Variants in ACVR2B observed in about 807,000 individuals in gnomAD.
ACVR2B encodes the protein activin A receptor type 2B, also known as activin receptor type-2B.
In ACVR2B, 18 loss-of-function variants were observed where a neutral mutation model predicts 65.1. That is an observed-to-expected ratio of 0.28 (90% CI 0.19 to 0.41). The LOEUF is 0.41. Ranked by LOEUF, ACVR2B falls within the 10% of genes least tolerant of loss-of-function variation. The pLI is 1.00. For missense variants in ACVR2B, 482 were observed against 682.7 expected (o/e 0.71, Z 3.28); for synonymous variants, 298 against 277.7 (o/e 1.07, Z -0.73).
At chr3:38,479,041 G>A in intron 5 of ACVR2B, 87 bp from the exon 6 acceptor site, 2 of 1,568,752 alleles carry the variant, frequency 1.3e-6, no homozygotes. Context: ...TGGGGAATGG[G>A]GAATGGTTGT....
chr3:38,485,458 G>A lies in ACVR2B; in HGVS notation c.*2126G>A, dbSNP rs1477412407. ...TGGTCTTGGAGTCCACAGTGTGAGG[G>A]GCACTGCACATGCCTGGGCATCTAC... On this transcript the variant is annotated 3_prime_UTR_variant, in exon 11 of 11. Coordinates refer to ENST00000352511, the MANE Select transcript of ACVR2B (RefSeq NM_001106.4). 6.6e-6 allele frequency: 1 copy of A among 152,216 alleles called. No homozygotes were observed. The highest frequency in any genetic ancestry group is 1.5e-5 in the Non-Finnish European group (1 of 68,090). The allele number at this position is 152,216 out of a possible 1,614,324, so 9.4% of individuals were successfully genotyped here. A position where few individuals can be genotyped will look rare whatever the true frequency, so the allele number is the denominator to read the frequency against.
intron 1 of ACVR2B, among the ~76,000 whole-genome samples, chr3:38,471,682 G>A (rs1289462193): frequency 2.6e-5 from 4 of 152,214 alleles, no homozygotes; most frequent in Non-Finnish European, 5.9e-5. Context: ...TAAAGAACAT[G>A]CACTCTAGAG....
Position 38,481,288 on chromosome 3 carries a change from G to C in ACVR2B, c.960-63G>C. On this transcript the variant is annotated intron_variant, in intron 7 of 10. Coordinates refer to ENST00000352511, the MANE Select transcript of ACVR2B (RefSeq NM_001106.4). This position sits in a 1 kb window ranked among gnomAD's most constrained non-coding sequence, Gnocchi z 4.7. ...TCTAGGGCACAGACTCTAGTATCTT[G>C]GGAACCAAGGTGGGAGTTGGATCAT... 2.8e-6 allele frequency: 4 copies of C among 1,406,572 alleles called. No homozygotes were observed. Among genetic ancestry groups the C allele is most frequent in the Non-Finnish European group, 4.0e-6 (4 of 992,444 alleles). The allele number at this position is 1,406,572 out of a possible 1,614,324, so 87.1% of individuals were successfully genotyped here.
At chr3:38,482,386 G>A in intron 9 of ACVR2B, 44 bp from the exon 10 acceptor site, 1 of 1,610,790 alleles carries the variant, frequency 6.2e-7, no homozygotes, top group South Asian at 1.1e-5. Context: ...ATAGGGAGCA[G>A]TGGGACCTTA....
At chr3:38,480,252 T>C (rs186427679) in intron 7 of ACVR2B, among the ~76,000 whole-genome samples, 2 of 152,286 alleles carry the variant, frequency 1.3e-5, no homozygotes, top group South Asian at 4.1e-4. Context: ...AACTCTATGC[T>C]CCTAAGAGAA....
At chr3:38,463,111 C>T (rs540027547) in intron 1 of ACVR2B, among the ~76,000 whole-genome samples, 1 of 152,180 alleles carries the variant, frequency 6.6e-6, no homozygotes, top group African/African-American at 2.4e-5. Flanking sequence ...GCCTGTGTCT[C>T]CTACCTTGTG....
At chr3:38,479,896 A>C in intron 7 of ACVR2B, 70 bp downstream of exon 7, 2 of 1,564,574 alleles carry the variant, frequency 1.3e-6, no homozygotes, top group Non-Finnish European at 1.7e-6. Flanking sequence ...GGGCGAGAGC[A>C]GTGTCTGGAG....
rs1367432014 is a variant in ACVR2B at position 38,454,222 on chromosome 3, C to T, written c.-101C>T. 2 of 862,534 alleles carry T rather than the reference C, an allele frequency of 2.3e-6. No individual in the cohort carries two copies. Among genetic ancestry groups the T allele is most frequent in the South Asian group, 8.4e-5 (2 of 23,884 alleles). The allele number at this position is 862,534 out of a possible 1,614,324, so 53.4% of individuals were successfully genotyped here. ...CAGGGAACGAGACCGAAGGAAGGAG[C>T]GGGAAGGAGAGCGCAGCCGCCGCCT... On this transcript the variant is annotated 5_prime_UTR_variant, in exon 1 of 11. Coordinates refer to ENST00000352511, the MANE Select transcript of ACVR2B (RefSeq NM_001106.4).
chr3:38,473,079 G>A (rs1387978536), intron 1 of ACVR2B, among the ~76,000 whole-genome samples: 1 of 152,180 alleles, frequency 6.6e-6, no homozygotes, highest in African/African-American at 2.4e-5. Flanking sequence ...GTATGTGGGA[G>A]TGGTCCTGCC....
intron 1 of ACVR2B, among the ~76,000 whole-genome samples, chr3:38,465,799 A>G (rs1240341242): frequency 2.6e-5 from 4 of 152,250 alleles, no homozygotes; most frequent in Non-Finnish European, 5.9e-5. Context: ...ATCAAGCCAC[A>G]GATTCAAGAA....
intron 10 of ACVR2B, 127 bp downstream of exon 10, chr3:38,482,687 G>A: frequency 2.2e-6 from 3 of 1,379,438 alleles, no homozygotes; most frequent in Non-Finnish European, 2.0e-6. Flanking sequence ...CTGGACTCTA[G>A]GGATGTGTTC....
chr3:38,477,011 A>G lies in ACVR2B; in HGVS notation c.53-276A>G. 1 of 553,310 alleles carries G rather than the reference A, an allele frequency of 1.8e-6. No individual in the cohort carries two copies. The highest frequency in any genetic ancestry group is 3.2e-6 in the Non-Finnish European group (1 of 307,692). The allele number at this position is 553,310 out of a possible 1,614,324, so 34.3% of individuals were successfully genotyped here. ...GGCTGTTTATCCATCCTTCTGTGGC[A>G]TTAGGTTTCCTGCCTCCTCCCTTTT... On this transcript the variant is annotated intron_variant, in intron 1 of 10. Coordinates refer to ENST00000352511, the MANE Select transcript of ACVR2B (RefSeq NM_001106.4). The surrounding 1 kb of genome is among the most constrained non-coding windows in gnomAD (Gnocchi z 6.7).
chr3:38,454,467 G>A, intron 1 of ACVR2B, 93 bp downstream of exon 1: 1 of 1,106,490 alleles, frequency 9.0e-7, no homozygotes, highest in Non-Finnish European at 1.1e-6. Flanking sequence ...GCGGGCCCGG[G>A]GCCTCGTCGC....
Position 38,477,183 on chromosome 3 carries a change from CGG to C in ACVR2B, c.53-103_53-102del. On this transcript the variant is annotated intron_variant, in intron 1 of 10. Coordinates refer to ENST00000352511, the MANE Select transcript of ACVR2B (RefSeq NM_001106.4). The surrounding 1 kb of genome is among the most constrained non-coding windows in gnomAD (Gnocchi z 6.7). ...AGGTTGGTGACCCCAACCCACCACCCGGCCTCCCTCCCTCAGGGTGGCCTGGC... is the reference window on the plus strand; with the variant it reads ...AGGTTGGTGACCCCAACCCACCACCCCCTCCCTCCCTCAGGGTGGCCTGGC... 7.2e-7 allele frequency: 1 copy of C among 1,383,494 alleles called. No individual in the cohort carries two copies. Among genetic ancestry groups the C allele is most frequent in the Non-Finnish European group, 1.0e-6 (1 of 996,244 alleles). 85.7% of individuals were successfully genotyped at this position (1,383,494 alleles called of 1,614,324 possible).
intron 9 of ACVR2B, 42 bp downstream of exon 9, chr3:38,482,378 A>G (rs1229981493): frequency 2.5e-6 from 4 of 1,609,634 alleles, no homozygotes; most frequent in East Asian, 2.2e-5. Context: ...ATTGAGTGAT[A>G]GGGAGCAGTG....
At chr3:38,467,096 A>G (rs1709743156) in intron 1 of ACVR2B, among the ~76,000 whole-genome samples, 1 of 152,214 alleles carries the variant, frequency 6.6e-6, no homozygotes, top group Non-Finnish European at 1.5e-5. Context: ...AAATTTTGAT[A>G]AGGCATGCTA....
At chr3:38,466,237 AGGGTG>A (rs1709725103) in intron 1 of ACVR2B, among the ~76,000 whole-genome samples, 1 of 152,156 alleles carries the variant, frequency 6.6e-6, no homozygotes, top group African/African-American at 2.4e-5. Context: ...AGATGGGGAG[AGGGTG>A]GTCAAAGGGT....
chr3:38,473,806 AG>A (rs1161996704), intron 1 of ACVR2B: 2 of 152,272 alleles, frequency 1.3e-5, no homozygotes, highest in African/African-American at 4.8e-5. Flanking sequence ...GTATTGGAGT[AG>A]GACTTGAAGT....
At position 38,486,640 on chromosome 3, in the gene ACVR2B, A is replaced by T. The variant is rs1015417736; in HGVS notation, c.*3308A>T. On this transcript the variant is annotated 3_prime_UTR_variant, in exon 11 of 11. Coordinates refer to ENST00000352511, the MANE Select transcript of ACVR2B (RefSeq NM_001106.4). The stretch of plus-strand genomic sequence containing the variant: ...GGGCCTGGCATCATTTTCCCTGTCA[A>T]TGGGAGGGGCTGTTCCATGCAGGGT... 1 of 151,958 alleles carries T rather than the reference A, an allele frequency of 6.6e-6. No individual in the cohort carries two copies. The highest frequency in any genetic ancestry group is 2.4e-5 in the African/African-American group (1 of 41,362). The allele number at this position is 151,958 out of a possible 1,614,324, so 9.4% of individuals were successfully genotyped here. A position where few individuals can be genotyped will look rare whatever the true frequency, so the allele number is the denominator to read the frequency against.
Sources: allele counts gnomAD v4.1 joint callset (sites outside exome capture counted in the v4.1 genomes callset), GRCh38; gene constraint gnomAD v4.1.1; non-coding constraint Gnocchi (gnomAD v3.1); transcripts MANE v1.5; gene names NCBI Gene and HGNC (gene_info 2026-07-23, HGNC 2026-07-21).